Variants in PHF24 observed in about 807,000 individuals in gnomAD.
PHF24 encodes the protein Galpha inhibitory interacting protein.
In PHF24, 25 loss-of-function variants were observed where a neutral mutation model predicts 42.6. That is an observed-to-expected ratio of 0.59 (90% CI 0.43 to 0.82). The LOEUF (loss-of-function observed/expected upper bound fraction) is 0.82, where lower values mean the gene tolerates loss of function less well. Among genes scored for constraint, PHF24 ranks in the 40% least tolerant of loss-of-function variants. The pLI, the probability that PHF24 is intolerant of heterozygous loss-of-function variation, is 0.00. For synonymous variants in PHF24, 185 were observed against 204.8 expected (o/e 0.90, Z 0.83); for missense variants, 470 against 538.1 (o/e 0.87, Z 1.25).
chr9:34,728,590 G>C, the PHF24 span: 121 of 1,549,544 alleles, frequency 7.8e-5, no homozygotes, highest in Non-Finnish European at 9.8e-5. Context: ...GGGAGTCAGA[G>C]GAGAGATTGG....
the PHF24 span, among the ~76,000 whole-genome samples, chr9:34,919,227 G>T: frequency 6.6e-6 from 1 of 152,200 alleles, no homozygotes; most frequent in East Asian, 1.9e-4. Flanking sequence ...TTTGATAAAA[G>T]CATACAATGT....
At chr9:34,780,794 AG>A in the PHF24 span, among the ~76,000 whole-genome samples, 110 of 152,320 alleles carry the variant, frequency 7.2e-4, no homozygotes, top group Non-Finnish European at 1.2e-3. Context: ...AAATGGGCAA[AG>A]GATTTGGATA....
At chr9:34,849,074 T>A in the PHF24 span, among the ~76,000 whole-genome samples, 1 of 152,186 alleles carries the variant, frequency 6.6e-6, no homozygotes, top group Non-Finnish European at 1.5e-5. Context: ...AATTGTATAT[T>A]CTGTTGATTT....
chr9:34,832,576 C>T, the PHF24 span: 7 of 1,543,356 alleles, frequency 4.5e-6, no homozygotes, highest in Non-Finnish European at 5.2e-6. Flanking sequence ...CTGGTTTTGG[C>T]CACCTTCACA....
the PHF24 span, among the ~76,000 whole-genome samples, chr9:34,943,010 G>A: frequency 0.51 from 76,522 of 150,792 alleles, 19,491 homozygotes; most frequent in East Asian, 0.61. Flanking sequence ...AATAAAAAAA[G>A]AAAGAAAAGA....
At chr9:34,850,677 G>T in the PHF24 span, among the ~76,000 whole-genome samples, 1 of 152,170 alleles carries the variant, frequency 6.6e-6, no homozygotes, top group Non-Finnish European at 1.5e-5. Flanking sequence ...GAGGTGCTCT[G>T]CTTTTTAGAG....
chr9:34,879,882 C>T, the PHF24 span, among the ~76,000 whole-genome samples: 5 of 152,130 alleles, frequency 3.3e-5, no homozygotes, highest in Non-Finnish European at 4.4e-5. Context: ...AAGAGCAACT[C>T]CAAGACACAT....
chr9:34,918,445 A>G, the PHF24 span: 1 of 530,730 alleles, frequency 1.9e-6, no homozygotes, highest in Non-Finnish European at 3.4e-6. Context: ...TTTTCCTATA[A>G]TGAAATGATT....
At chr9:34,929,073 A>G in the PHF24 span, among the ~76,000 whole-genome samples, 218 of 152,248 alleles carry the variant, frequency 1.4e-3, no homozygotes, top group Middle Eastern at 3.4e-3. Context: ...CATGTCAAAC[A>G]TAGAGCTTCT....
At chr9:34,699,326 C>T in the PHF24 span, among the ~76,000 whole-genome samples, 1 of 152,170 alleles carries the variant, frequency 6.6e-6, no homozygotes, top group South Asian at 2.1e-4. Flanking sequence ...ATTACAGCCC[C>T]AACCAGGGAT....
chr9:34,953,084 A>T (rs2132823221), upstream of PHF24, among the ~76,000 whole-genome samples: 1 of 152,364 alleles, frequency 6.6e-6, no homozygotes, highest in Admixed American at 6.5e-5. This position sits in a 1 kb window ranked among gnomAD's most constrained non-coding sequence, Gnocchi z 4.1. Flanking sequence ...CAGATGTGAC[A>T]CTGAGGGCAC....
the PHF24 span, among the ~76,000 whole-genome samples, chr9:34,757,054 G>A: frequency 2.6e-5 from 4 of 151,940 alleles, no homozygotes; most frequent in South Asian, 2.1e-4. Context: ...ACAGGCACCC[G>A]CCACCACACT....
chr9:34,761,663 T>C, the PHF24 span, among the ~76,000 whole-genome samples: 6 of 152,174 alleles, frequency 3.9e-5, no homozygotes, highest in Non-Finnish European at 7.4e-5. Flanking sequence ...GAGAGAGCCC[T>C]ACTCATACTC....
At chr9:34,777,033 T>G in the PHF24 span, among the ~76,000 whole-genome samples, 2 of 152,208 alleles carry the variant, frequency 1.3e-5, no homozygotes, top group African/African-American at 4.8e-5. Flanking sequence ...ATGCAGTTAT[T>G]AGAGGAGGCA....
At chr9:34,673,788 A>T in the PHF24 span, among the ~76,000 whole-genome samples, 1 of 151,942 alleles carries the variant, frequency 6.6e-6, no homozygotes, top group Non-Finnish European at 1.5e-5. Flanking sequence ...AACCTGGCTA[A>T]TTTTTTGTAT....
chr9:34,920,301 T>A, the PHF24 span, among the ~76,000 whole-genome samples: 1 of 152,208 alleles, frequency 6.6e-6, no homozygotes, highest in Non-Finnish European at 1.5e-5. Flanking sequence ...ATTTTTCTGA[T>A]GATCAGTGAG....
the PHF24 span, among the ~76,000 whole-genome samples, chr9:34,891,751 A>C: frequency 6.6e-6 from 1 of 152,140 alleles, no homozygotes; most frequent in South Asian, 2.1e-4. Flanking sequence ...TCCTGGATCT[A>C]GTGGGAAAGG....
the PHF24 span, among the ~76,000 whole-genome samples, chr9:34,678,492 A>G: frequency 0.93 from 141,546 of 151,938 alleles, 66,167 homozygotes; most frequent in Non-Finnish European, 0.98. Flanking sequence ...CTGCCACCAC[A>G]CCCAGCTAAT....
chr9:34,838,657 TGTAGTAGG>T, the PHF24 span: 1 of 496,608 alleles, frequency 2.0e-6, no homozygotes, highest in Non-Finnish European at 3.6e-6. Flanking sequence ...ATAAGGTACA[TGTAGTAGG>T]GAAGCTCATG....
Sources: allele counts gnomAD v4.1 joint callset (sites outside exome capture counted in the v4.1 genomes callset), GRCh38; gene constraint gnomAD v4.1.1; non-coding constraint Gnocchi (gnomAD v3.1); transcripts MANE v1.5; gene names NCBI Gene and HGNC (gene_info 2026-07-23, HGNC 2026-07-21).